SLC6A16: variants seen among roughly 807,000 people sequenced by gnomAD.
The protein encoded by SLC6A16 is solute carrier family 6 member 16.
A neutral mutation model predicts 65.4 loss-of-function variants in SLC6A16; 54 were observed. The observed-to-expected ratio is 0.83, with a 90% CI of 0.66 to 1.04. The LOEUF (loss-of-function observed/expected upper bound fraction) is 1.04, where lower values mean the gene tolerates loss of function less well. Ranked by LOEUF, SLC6A16 falls within the 50% of genes least tolerant of loss-of-function variation. The probability of loss-of-function intolerance (pLI) is 0.00; values close to 1 mark genes in which losing one functional copy is unlikely to be tolerated. For missense variants in SLC6A16, 816 were observed against 914.0 expected, an observed-to-expected ratio of 0.89 and a Z score of 1.38; for synonymous variants, 330 against 346.5, an observed-to-expected ratio of 0.95 and a Z score of 0.53.
At chr19:49,311,992 T>C (rs866406980) in intron 1 of SLC6A16, among the ~76,000 whole-genome samples, 75 of 149,808 alleles carry the variant, frequency 5.0e-4, no homozygotes, top group African/African-American at 1.7e-3. Context: ...TTCTCCTGAC[T>C]CAGCCTCCCA....
Position 49,311,156 on chromosome 19 carries a change from A to G in SLC6A16, c.192T>C (p.Ser64=). The G allele has an allele frequency of 6.2e-7, 1 of 1,614,156 alleles. No individual in the cohort carries two copies. The highest frequency in any genetic ancestry group is 8.5e-7 in the Non-Finnish European group (1 of 1,180,028). Residue 64 remains serine (S), a synonymous_variant, in exon 2 of 12, where the codon AGT becomes AGC. Transcript: ENST00000335875. ...ARVAEAQART[S]QPKQISVLEA... Reference sequence around the variant, plus strand: ...CCAATACAGAAATTTGCTTGGGCTGACTGGTCCTGGCCTGAGCCTCTGCAA... The same window carrying G: ...CCAATACAGAAATTTGCTTGGGCTGGCTGGTCCTGGCCTGAGCCTCTGCAA...
In SLC6A16 at chr19:49,293,517, C is replaced by T. The variant is rs982266986; in HGVS notation, c.1619-135G>A. On this transcript the variant is annotated intron_variant, in intron 9 of 11. Transcript: ENST00000335875. ...AGGGGGCTTACATGTGTAATCCAAG[C>T]ATTTTGGGGAGCCTAAGTGGGCAGA... 4 of 805,866 alleles carry T rather than the reference C, an allele frequency of 5.0e-6. No individual in the cohort carries two copies. In the Admixed American group the frequency reaches 1.1e-4, roughly 22 times the overall value. The allele number at this position is 805,866 out of a possible 1,614,324, so 49.9% of individuals were successfully genotyped here. A position where few individuals can be genotyped will look rare whatever the true frequency, so the allele number is the denominator to read the frequency against.
chr19:49,308,174 A>C (rs575993403), intron 7 of SLC6A16, among the ~76,000 whole-genome samples: 7 of 151,440 alleles, frequency 4.6e-5, no homozygotes, highest in African/African-American at 1.7e-4. Flanking sequence ...TGGGGGCCTT[A>C]GGGCGCGGTG....
At position 49,309,822 on chromosome 19, in the gene SLC6A16, A is replaced by G; in HGVS notation, c.705T>C (p.Pro235=). The change falls in exon 5 of 12, where the codon CCT becomes CCC. Residue 235 remains proline (P), a synonymous_variant. Coordinates refer to ENST00000335875, the MANE Select transcript of SLC6A16 (RefSeq NM_014037.3). ...PLTMNSSGFD[P]ECERTTPSIY... is the part of the protein sequence containing the mutation. ...TGGAGGGTGTTGTCCGTTCACATTC[A>G]GGATCTGGGGGGACCTGGCTTTAGA... 6.2e-7 allele frequency: 1 copy of G among 1,608,686 alleles called. No individual in the cohort carries two copies. The highest frequency in any genetic ancestry group is 8.5e-7 in the Non-Finnish European group (1 of 1,175,610).
intron 1 of SLC6A16, chr19:49,312,673 T>C (rs1231689745): frequency 2.1e-5 from 13 of 625,304 alleles, no homozygotes; most frequent in South Asian, 7.3e-5. Context: ...TTTCTTTCAG[T>C]GGGGGAAGGA....
intron 10 of SLC6A16, among the ~76,000 whole-genome samples, chr19:49,291,643 C>T (rs1415527020): frequency 6.6e-6 from 1 of 152,050 alleles, no homozygotes; most frequent in Non-Finnish European, 1.5e-5. Context: ...GCTGGATATC[C>T]AGCACTGAAC....
intron 1 of SLC6A16, chr19:49,312,744 T>C (rs977951761): frequency 6.2e-6 from 1 of 161,198 alleles, no homozygotes; most frequent in African/African-American, 2.4e-5. Context: ...CACATTTGGG[T>C]GACATGGATA....
intron 1 of SLC6A16, among the ~76,000 whole-genome samples, chr19:49,316,910 G>A (rs1039070896): frequency 2.1e-5 from 3 of 143,240 alleles, no homozygotes; most frequent in East Asian, 2.1e-4. Flanking sequence ...AGTGGGACAC[G>A]CCAGTGGTCC....
chr19:49,324,400 A>T (rs1600657580), intron 1 of SLC6A16, among the ~76,000 whole-genome samples: 1 of 152,168 alleles, frequency 6.6e-6, no homozygotes, highest in East Asian at 1.9e-4. Flanking sequence ...TTGTCCTTAA[A>T]AGCAAGCTTT....
At chr19:49,301,360 G>A (rs914043469) in intron 7 of SLC6A16, among the ~76,000 whole-genome samples, 4 of 152,188 alleles carry the variant, frequency 2.6e-5, no homozygotes, top group Non-Finnish European at 5.9e-5. Flanking sequence ...CGTGGGGACT[G>A]GCATTGCCGA....
At chr19:49,325,353 G>C, upstream of SLC6A16, 1 of 575,480 alleles carries the variant, frequency 1.7e-6, no homozygotes, top group Non-Finnish European at 2.2e-6. Flanking sequence ...GACTGCTCAC[G>C]CGCCACTCCC....
At chr19:49,291,412 C>T (rs1394255003) in intron 10 of SLC6A16, among the ~76,000 whole-genome samples, 2 of 151,964 alleles carry the variant, frequency 1.3e-5, no homozygotes, top group South Asian at 2.1e-4. Context: ...TGCTTATATA[C>T]GTCTTTCTCT....
chr19:49,307,422 C>G (rs1437667658), intron 7 of SLC6A16, among the ~76,000 whole-genome samples: 1 of 152,006 alleles, frequency 6.6e-6, no homozygotes, highest in Non-Finnish European at 1.5e-5. Flanking sequence ...GGGGAGCACA[C>G]CCTACTCAGC....
chr19:49,316,013 A>G lies in SLC6A16; in HGVS notation c.-64-4602T>C, dbSNP rs368757645. Among the ~76,000 whole-genome samples the G allele has an allele frequency of 2.2e-4, 34 of 152,322 alleles. 1 individual carries two copies. The highest frequency in any genetic ancestry group is 9.8e-4 in the Admixed American group (15 of 15,292). On this transcript the variant is annotated intron_variant, in intron 1 of 11. Transcript: ENST00000335875. ...ACAAAACTCACTATTCACAGATGAT[A>G]TATCTATGTGGAAGATCCAGAATAC...
At chr19:49,326,155 G>A (rs1453657551), upstream of SLC6A16, among the ~76,000 whole-genome samples, 2 of 150,910 alleles carry the variant, frequency 1.3e-5, no homozygotes, top group Non-Finnish European at 2.9e-5. Context: ...AGACAACAGA[G>A]CAAGACTCCG....
intron 7 of SLC6A16, among the ~76,000 whole-genome samples, chr19:49,306,921 G>T (rs181956320): frequency 4.6e-5 from 7 of 152,062 alleles, no homozygotes; most frequent in Admixed American, 4.6e-4. Context: ...TTTTATGATG[G>T]TTACCTCTGG....
Position 49,289,936 on chromosome 19 carries a change from C to T in SLC6A16, c.*187G>A. On this transcript the variant is annotated 3_prime_UTR_variant, in exon 12 of 12. Coordinates refer to ENST00000335875, the MANE Select transcript of SLC6A16 (RefSeq NM_014037.3). Reference sequence around the variant, plus strand: ...ATGGGGAAAACAATGATGGTGGTCACCAGGTAAGATGGGACCCAGGAAGGG... The same window carrying T: ...ATGGGGAAAACAATGATGGTGGTCATCAGGTAAGATGGGACCCAGGAAGGG... 1.7e-6 allele frequency: 1 copy of T among 605,636 alleles called. No individual in the cohort carries two copies. Among genetic ancestry groups the T allele is most frequent in the Non-Finnish European group, 2.9e-6 (1 of 344,296 alleles). 37.5% of individuals were successfully genotyped at this position (605,636 alleles called of 1,614,324 possible).
the SLC6A16 span, chr19:49,336,035 A>G: frequency 1.8e-6 from 1 of 546,422 alleles, no homozygotes; most frequent in East Asian, 3.0e-5. Context: ...GGCTGGTCAG[A>G]TGCCCCCACA....
chr19:49,309,552 A>C, intron 5 of SLC6A16, 99 bp downstream of exon 5: 2 of 1,324,794 alleles, frequency 1.5e-6, no homozygotes, highest in Non-Finnish European at 2.1e-6. Flanking sequence ...AGGGGAGTAA[A>C]AGCCAAAGGA....
Sources: allele counts gnomAD v4.1 joint callset (sites outside exome capture counted in the v4.1 genomes callset), GRCh38; gene constraint gnomAD v4.1.1; transcripts MANE v1.5; gene names NCBI Gene and HGNC (gene_info 2026-07-23, HGNC 2026-07-21).